Variants in TLL2 observed in about 807,000 individuals in gnomAD.
TLL2 encodes the protein tolloid-like protein 2.
A neutral mutation model predicts 123.0 loss-of-function variants in TLL2; 106 were observed. That is an observed-to-expected ratio of 0.86 (90% CI 0.74 to 1.01). TLL2 has a LOEUF of 1.01. TLL2 is among the 50% of genes least tolerant of loss of function. The pLI is 0.00. For synonymous variants in TLL2, 494 were observed against 516.8 expected, an observed-to-expected ratio of 0.96 and a Z score of 0.60; for missense variants, 1,332 against 1,336.7, an observed-to-expected ratio of 1.00 and a Z score of 0.06.
chr10:96,378,615 C>T (rs147510193), intron 17 of TLL2, among the ~76,000 whole-genome samples: 147 of 152,292 alleles, frequency 9.7e-4, no homozygotes, highest in Non-Finnish European at 1.6e-3. Flanking sequence ...ATGTTTAGAC[C>T]CTTTTAACTA....
chr10:96,487,148 G>A (rs1485394876), intron 1 of TLL2, among the ~76,000 whole-genome samples: 2 of 152,222 alleles, frequency 1.3e-5, no homozygotes, highest in Admixed American at 6.5e-5. Flanking sequence ...GTCTCTCTGA[G>A]CCATGGTTTC....
chr10:96,405,178 A>G (rs1430443797), intron 10 of TLL2, 54 bp downstream of exon 10: 1 of 1,533,934 alleles, frequency 6.5e-7, no homozygotes, highest in Non-Finnish European at 9.0e-7. Flanking sequence ...CATTAACAGC[A>G]TCCCGGGGAA....
In TLL2 at chr10:96,476,240, A is replaced by ATATATTCTTTTTTTTTTT; in HGVS notation, c.286+4108_286+4109insAAAAAAAAAAAGAATATA. On this transcript the variant is annotated intron_variant, in intron 2 of 20. Transcript: ENST00000357947. ...TTTATATGTATATATATATATATAT[A>ATATATTCTTTTTTTTTTT]TTTTATTTTTGTTGTTGTTGTTGTT... Among the ~76,000 whole-genome samples the ATATATTCTTTTTTTTTTT allele has an allele frequency of 2.0e-4, 4 of 20,500 alleles. 1 individual carries two copies. Among genetic ancestry groups the ATATATTCTTTTTTTTTTT allele is most frequent in the African/African-American group, 6.9e-4 (4 of 5,756 alleles). 13.4% of individuals were successfully genotyped at this position (20,500 alleles called of 152,430 possible).
chr10:96,465,220 G>A (rs1170508108), intron 2 of TLL2, among the ~76,000 whole-genome samples: 5 of 152,230 alleles, frequency 3.3e-5, no homozygotes, highest in African/African-American at 1.2e-4. Flanking sequence ...AACTTTAAGA[G>A]ACAATGTCGG....
chr10:96,421,155 C>T (rs973350541), intron 6 of TLL2, 94 bp from the exon 7 acceptor site: 1 of 881,286 alleles, frequency 1.1e-6, no homozygotes, highest in African/African-American at 1.7e-5. Context: ...AACAACTTCC[C>T]AGGGCTCTCT....
intron 2 of TLL2, among the ~76,000 whole-genome samples, chr10:96,457,840 C>T (rs574887816): frequency 2.7e-4 from 41 of 152,282 alleles, no homozygotes; most frequent in African/African-American, 8.7e-4. Context: ...AGGCTAAAAG[C>T]CTAAGAGGAA....
Position 96,506,251 on chromosome 10 carries a change from C to CAAAAAAAAA in TLL2, c.175+7251_175+7259dup, listed in dbSNP as rs1210970430. ...TGGATGACAGAGCGAGACCCCATCT[C>CAAAAAAAAA]AAAAAAAAAAAAAAGAAAAAAAAAA... On this transcript the variant is annotated intron_variant, in intron 1 of 20. Transcript: ENST00000357947. Among the ~76,000 whole-genome samples, 214 of 36,598 alleles carry CAAAAAAAAA rather than the reference C, an allele frequency of 5.8e-3. 10 individuals are homozygous for CAAAAAAAAA. The highest frequency in any genetic ancestry group is 7.2e-3 in the East Asian group (7 of 974). The allele number at this position is 36,598 out of a possible 152,430, so 24.0% of individuals were successfully genotyped here.
intron 3 of TLL2, among the ~76,000 whole-genome samples, chr10:96,445,032 ACAAAACAT>A (rs979299289): frequency 5.3e-5 from 8 of 152,154 alleles, no homozygotes; most frequent in Non-Finnish European, 1.5e-5. Context: ...TACTAAAAAT[ACAAAACAT>A]TAGCCGGGCA....
chr10:96,402,610 G>A (rs191936335), intron 10 of TLL2, among the ~76,000 whole-genome samples: 14 of 152,270 alleles, frequency 9.2e-5, no homozygotes, highest in Admixed American at 3.9e-4. Flanking sequence ...GGCATCCTCC[G>A]CCCTGCCACT....
rs905345195 is a variant in TLL2, at chr10:96,496,903, T to C, written c.176-16444A>G. ...AGGAAAGAGAGCCACGATCAATTAG[T>C]AATATCTGCCATTAGCAGGAGGTGT... On this transcript the variant is annotated intron_variant, in intron 1 of 20. Transcript: ENST00000357947. Among the ~76,000 whole-genome samples the C allele has an allele frequency of 2.0e-5, 3 of 152,284 alleles. No homozygotes were observed. In the East Asian group the frequency reaches 5.8e-4, roughly 29 times the overall value.
At chr10:96,440,285 G>T (rs1846838627) in intron 3 of TLL2, among the ~76,000 whole-genome samples, 1 of 152,178 alleles carries the variant, frequency 6.6e-6, no homozygotes, top group African/African-American at 2.4e-5. Flanking sequence ...CACCCTGCAT[G>T]GTGCCTGACT....
At chr10:96,459,732 A>ATATATATATATATATATATATATG (rs1222156603) in intron 2 of TLL2, among the ~76,000 whole-genome samples, 1 of 123,074 alleles carries the variant, frequency 8.1e-6, no homozygotes, top group South Asian at 2.8e-4. Flanking sequence ...ATATATATAT[A>ATATATATATATATATATATATATG]GCAGCTAAAA....
rs184588412 is a variant in TLL2, at chr10:96,463,125, C to G, written c.287-16957G>C. Among the ~76,000 whole-genome samples, 41 of 152,298 alleles carry G rather than the reference C, an allele frequency of 2.7e-4. No individual in the cohort carries two copies. The East Asian group carries it at 7.5e-3, about 28-fold the overall frequency. Reference sequence around the variant, plus strand: ...TCACGAATATAAAATCTGTGAGGATCAACTGTACCTCACTAAAGAAAACAG... The same window carrying G: ...TCACGAATATAAAATCTGTGAGGATGAACTGTACCTCACTAAAGAAAACAG... On this transcript the variant is annotated intron_variant, in intron 2 of 20. Coordinates refer to ENST00000357947, the MANE Select transcript of TLL2 (RefSeq NM_012465.4).
rs761421183 is a variant in TLL2 at position 96,384,587 on chromosome 10, C to T, written c.2194G>A (p.Asp732Asn). The T allele has an allele frequency of 4.4e-6, 7 of 1,585,294 alleles. No homozygotes were observed. Among genetic ancestry groups the T allele is most frequent in the Non-Finnish European group, 6.0e-6 (7 of 1,161,356 alleles). Reference protein sequence around the residue: ...KRGFRAHFFSDKDECAKDNGG... With the variant: ...KRGFRAHFFSNKDECAKDNGG... ...CAGCCTCACCTCTGAACCCGCATACCTGAGAAGAAGTGGGCCCTGAAGCCG... is the reference window on the plus strand; with the variant it reads ...CAGCCTCACCTCTGAACCCGCATACTTGAGAAGAAGTGGGCCCTGAAGCCG... The change falls in exon 16 of 21, where the codon GAT becomes AAT. Residue 732 changes from aspartate (D) to asparagine (N), a missense_variant and splice_region_variant. Transcript: ENST00000357947.
At chr10:96,509,838 T>A (rs1036433037) in intron 1 of TLL2, among the ~76,000 whole-genome samples, 14 of 152,074 alleles carry the variant, frequency 9.2e-5, no homozygotes, top group Non-Finnish European at 1.9e-4. Flanking sequence ...TCCCAGCTAC[T>A]CGGGAGGCTG....
In TLL2 at chr10:96,386,988, C is replaced by A; in HGVS notation, c.1817G>T (p.Gly606Val). The change falls in exon 14 of 21, where the codon GGC (glycine) becomes GTC (valine). Residue 606 changes from glycine (G) to valine (V), a missense_variant. Gly to Val is a moderately radical substitution (Grantham distance 109). Transcript: ENST00000357947. ...LGSYKCACDP[G>V]YELAADKKMC... is the part of the protein sequence containing the mutation. ...CTTCTTATCGGCGGCCAGCTCGTAG[C>A]CAGGGTCACAGGCACACTTGTAGCT... The A allele has an allele frequency of 6.2e-7, 1 of 1,614,146 alleles. No homozygotes were observed. Among genetic ancestry groups the A allele is most frequent in the Non-Finnish European group, 8.5e-7 (1 of 1,180,042 alleles).
At chr10:96,489,877 A>G (rs1847394296) in intron 1 of TLL2, among the ~76,000 whole-genome samples, 1 of 152,182 alleles carries the variant, frequency 6.6e-6, no homozygotes, top group East Asian at 1.9e-4. Context: ...CAGGTGGATT[A>G]CGTGAGGTCA....
At position 96,373,798 on chromosome 10, in the gene TLL2, C is replaced by T. The variant is rs752791707; in HGVS notation, c.2460G>A (p.Glu820=). ...AGHRVKLTFN[E]FEIEQHQECA... is the part of the protein sequence containing the mutation. ...ATTCCTGGTGCTGCTCGATCTCAAA[C>T]TCATTAAAGGTCTGGGGACAGAAGA... The change falls in exon 19 of 21, where the codon GAG becomes GAA. Residue 820 remains glutamate, a synonymous_variant. Coordinates refer to ENST00000357947, the MANE Select transcript of TLL2 (RefSeq NM_012465.4). The T allele has an allele frequency of 6.2e-7, 1 of 1,613,744 alleles. No homozygotes were observed. The highest frequency in any genetic ancestry group is 8.5e-7 in the Non-Finnish European group (1 of 1,180,022).
At chr10:96,387,099 C>A (rs752318822) in intron 13 of TLL2, 21 bp from the exon 14 acceptor site, 6 of 1,608,738 alleles carry the variant, frequency 3.7e-6, no homozygotes, top group Non-Finnish European at 5.1e-6. Context: ...AGGAAGGTGA[C>A]CCCGGTTACA....
Sources: gnomAD v4.1 joint callset for allele counts (sites outside exome capture counted in the v4.1 genomes callset) on GRCh38, gnomAD v4.1.1 for gene constraint, MANE v1.5 for transcripts, NCBI Gene and HGNC (gene_info 2026-07-23, HGNC 2026-07-21) for gene names.